AGBL4: variants seen among roughly 807,000 people sequenced by gnomAD.
The protein encoded by AGBL4 is cytosolic carboxypeptidase 6.
Under a neutral mutation model 66.4 loss-of-function variants are expected in AGBL4, and 58 were observed. The observed-to-expected ratio is 0.87, with a 90% CI of 0.71 to 1.09. The LOEUF (loss-of-function observed/expected upper bound fraction) is 1.09, where lower values mean the gene tolerates loss of function less well. Among genes scored for constraint, AGBL4 ranks in the 50% least tolerant of loss-of-function variants. The pLI is 0.00. For missense variants in AGBL4, 579 were observed against 631.0 expected, an observed-to-expected ratio of 0.92 and a Z score of 0.88; for synonymous variants, 234 against 222.9, an observed-to-expected ratio of 1.05 and a Z score of -0.44.
At chr1:49,350,424 C>T (rs1320076367) in intron 3 of AGBL4, among the ~76,000 whole-genome samples, 3 of 152,000 alleles carry the variant, frequency 2.0e-5, no homozygotes, top group Non-Finnish European at 4.4e-5. Context: ...GGGATGGTCT[C>T]GATCTCCTGA....
chr1:49,976,885 T>C (rs553163321), intron 1 of AGBL4, among the ~76,000 whole-genome samples: 2 of 152,358 alleles, frequency 1.3e-5, no homozygotes, highest in Admixed American at 6.5e-5. Context: ...AAATAGTATG[T>C]ATCCATCTCA....
At chr1:49,796,476 A>C (rs892518722) in intron 2 of AGBL4, among the ~76,000 whole-genome samples, 19 of 151,582 alleles carry the variant, frequency 1.3e-4, no homozygotes, top group African/African-American at 4.6e-4. Context: ...ACCGCTTAAT[A>C]ATATTCTGTT....
chr1:49,451,544 C>G (rs1247854098), intron 3 of AGBL4, among the ~76,000 whole-genome samples: 1 of 151,974 alleles, frequency 6.6e-6, no homozygotes, highest in Non-Finnish European at 1.5e-5. Context: ...GTAGCAAACA[C>G]CAGGGCAGTC....
rs923801794 is a variant in AGBL4 at position 49,828,798 on chromosome 1, C to T, written c.157+22598G>A. On this transcript the variant is annotated intron_variant, in intron 2 of 13. Transcript: ENST00000371839. Reference sequence around the variant, plus strand: ...GTGAAAGGAAGCAAGAGGCCAGCCGCGGTGGCTCACGCCTGTAATTCCAGT... The same window carrying T: ...GTGAAAGGAAGCAAGAGGCCAGCCGTGGTGGCTCACGCCTGTAATTCCAGT... 5.3e-5 allele frequency among the ~76,000 whole-genome samples: 8 copies of T among 152,160 alleles called. No individual in the cohort carries two copies. In the South Asian group the frequency reaches 6.2e-4, roughly 12 times the overall value.
chr1:48,659,595 G>C (rs1201508653), intron 7 of AGBL4, among the ~76,000 whole-genome samples: 2 of 152,210 alleles, frequency 1.3e-5, no homozygotes, highest in Non-Finnish European at 2.9e-5. Flanking sequence ...AGGTCAACAA[G>C]GTCTAGGTCT....
chr1:49,615,531 C>T (rs897973486), intron 3 of AGBL4, among the ~76,000 whole-genome samples: 4 of 151,880 alleles, frequency 2.6e-5, no homozygotes, highest in Admixed American at 6.6e-5. Context: ...CCAGATATGC[C>T]GACAGTTTGT....
At chr1:49,136,338 AT>A (rs1382554087) in intron 4 of AGBL4, among the ~76,000 whole-genome samples, 2 of 152,302 alleles carry the variant, frequency 1.3e-5, no homozygotes, top group East Asian at 3.9e-4. Context: ...TATTAGTCCC[AT>A]TTTACTGACA....
At chr1:49,553,365 T>C (rs1653123575) in intron 3 of AGBL4, among the ~76,000 whole-genome samples, 1 of 152,214 alleles carries the variant, frequency 6.6e-6, no homozygotes, top group South Asian at 2.1e-4. Context: ...AACCAGGACT[T>C]CTCATGGTGG....
chr1:49,944,421 C>G (rs12119545), intron 1 of AGBL4, among the ~76,000 whole-genome samples: 1 of 152,062 alleles, frequency 6.6e-6, no homozygotes, highest in Non-Finnish European at 1.5e-5. Context: ...CCTGGTAGAC[C>G]TGGTAGACCT....
chr1:48,718,288 C>T (rs1434546966), intron 6 of AGBL4, among the ~76,000 whole-genome samples: 2 of 152,216 alleles, frequency 1.3e-5, no homozygotes, highest in African/African-American at 4.8e-5. Context: ...CCTCCACCTG[C>T]CCTCCTGGGC....
chr1:48,607,345 C>T (rs1046582616), intron 9 of AGBL4, among the ~76,000 whole-genome samples: 2 of 152,046 alleles, frequency 1.3e-5, no homozygotes, highest in Admixed American at 6.6e-5. Flanking sequence ...AGGCCAGGTG[C>T]GGTAGTTCAC....
At chr1:49,021,475 G>A (rs529039664) in intron 5 of AGBL4, among the ~76,000 whole-genome samples, 1 of 152,188 alleles carries the variant, frequency 6.6e-6, no homozygotes, top group Admixed American at 6.5e-5. Context: ...CCTCATGAAT[G>A]GGATTAGTGC....
intron 4 of AGBL4, among the ~76,000 whole-genome samples, chr1:49,099,730 C>T (rs1311826156): frequency 6.6e-6 from 1 of 152,018 alleles, no homozygotes; most frequent in Non-Finnish European, 1.5e-5. Context: ...TGATTTGATT[C>T]TATATCCCTA....
intron 5 of AGBL4, among the ~76,000 whole-genome samples, chr1:49,039,904 C>G (rs187918949): frequency 9.9e-5 from 15 of 152,122 alleles, no homozygotes; most frequent in African/African-American, 3.6e-4. Flanking sequence ...ACTGACAACA[C>G]TAAATGCTGG....
intron 3 of AGBL4, among the ~76,000 whole-genome samples, chr1:49,392,118 C>T (rs1248198233): frequency 1.3e-5 from 2 of 152,028 alleles, no homozygotes; most frequent in Non-Finnish European, 2.9e-5. Flanking sequence ...TAGTCACTGG[C>T]CTACCAAATT....
chr1:49,530,176 CATT>C (rs774236024), intron 3 of AGBL4, among the ~76,000 whole-genome samples: 8 of 146,396 alleles, frequency 5.5e-5, no homozygotes, highest in African/African-American at 1.3e-4. Context: ...TTGTTATCAT[CATT>C]ATTATCATTT....
intron 2 of AGBL4, among the ~76,000 whole-genome samples, chr1:49,802,933 C>A (rs758325268): frequency 3.0e-4 from 45 of 152,120 alleles, no homozygotes; most frequent in Non-Finnish European, 5.3e-4. Flanking sequence ...TAAAAATAAA[C>A]TTTTCATTTG....
chr1:48,803,010 A>G (rs1645844782), intron 6 of AGBL4, among the ~76,000 whole-genome samples: 1 of 152,334 alleles, frequency 6.6e-6, no homozygotes. Context: ...ACCCGGGACT[A>G]TAGGTCCTTG....
At chr1:49,337,559 A>C (rs971353642) in intron 3 of AGBL4, among the ~76,000 whole-genome samples, 1 of 152,132 alleles carries the variant, frequency 6.6e-6, no homozygotes, top group Admixed American at 6.5e-5. Flanking sequence ...TGGGTAAAAC[A>C]CTTGTGTGCA....
Sources: gnomAD v4.1 joint callset for allele counts (sites outside exome capture counted in the v4.1 genomes callset) on GRCh38, gnomAD v4.1.1 for gene constraint, MANE v1.5 for transcripts, NCBI Gene and HGNC (gene_info 2026-07-23, HGNC 2026-07-21) for gene names.